KIRREL3: variants seen among roughly 807,000 people sequenced by gnomAD.
KIRREL3 encodes kin of IRRE-like protein 3.
Under a neutral mutation model 89.7 loss-of-function variants are expected in KIRREL3, and 36 were observed. The ratio of observed to expected loss-of-function variants is 0.40; its 90% confidence interval spans 0.31 to 0.53. The LOEUF (loss-of-function observed/expected upper bound fraction) is 0.53. KIRREL3 is among the 20% of genes least tolerant of loss of function. The pLI is 0.49. For synonymous variants in KIRREL3, 445 were observed against 441.4 expected, an observed-to-expected ratio of 1.01 and a Z score of -0.10; for missense variants, 864 against 1,056.6, an observed-to-expected ratio of 0.82 and a Z score of 2.53.
In KIRREL3 at chr11:126,709,014, TTG is replaced by T. The variant is rs1947651029; in HGVS notation, c.56-146104_56-146103del. Among the ~76,000 whole-genome samples the T allele has an allele frequency of 6.6e-6, 1 of 152,210 alleles. No homozygotes were observed. The highest frequency in any genetic ancestry group is 6.5e-5 in the Admixed American group (1 of 15,284). The stretch of plus-strand genomic sequence containing the variant: ...GTTTCTGCCCCCACCCCAGGACAGC[TTG>T]TGTTATCACGGCCAGGTGGATCTTT... On this transcript the variant is annotated intron_variant, in intron 1 of 16. Transcript: ENST00000525144. The surrounding 1 kb of genome is among the most constrained non-coding windows in gnomAD (Gnocchi z 4.0).
Position 126,550,963 on chromosome 11 carries a change from C to T in KIRREL3, c.133+11872G>A, listed in dbSNP as rs1249441364. On this transcript the variant is annotated intron_variant, in intron 2 of 16. Coordinates refer to ENST00000525144, the MANE Select transcript of KIRREL3 (RefSeq NM_032531.4). This position sits in a 1 kb window ranked among gnomAD's most constrained non-coding sequence, Gnocchi z 4.9. The stretch of plus-strand genomic sequence containing the variant: ...CCCTGGCACCTGTCACAAGTTCAGG[C>T]TTCCAGAACTTCTGGCAGACCCGCT... Among the ~76,000 whole-genome samples the T allele has an allele frequency of 4.6e-5, 7 of 152,216 alleles. No homozygotes were observed. Among genetic ancestry groups the T allele is most frequent in the African/African-American group, 9.6e-5 (4 of 41,458 alleles).
intron 1 of KIRREL3, among the ~76,000 whole-genome samples, chr11:126,762,714 T>C (rs369133715): frequency 1.1e-3 from 167 of 152,280 alleles, no homozygotes; most frequent in African/African-American, 3.9e-3. Context: ...CTGGTTTCAA[T>C]GTTGTTAAGT....
In KIRREL3 at chr11:126,870,939, A is replaced by G. The variant is rs138271558; in HGVS notation, c.55+129516T>C. Among the ~76,000 whole-genome samples the G allele has an allele frequency of 3.8e-3, 581 of 152,268 alleles. 2 individuals carry two copies. The highest frequency in any genetic ancestry group is 0.013 in the African/African-American group (556 of 41,556). On this transcript the variant is annotated intron_variant, in intron 1 of 16. Transcript: ENST00000525144. This position sits in a 1 kb window ranked among gnomAD's most constrained non-coding sequence, Gnocchi z 4.4. The stretch of plus-strand genomic sequence containing the variant: ...AAAGACTGGACCAAAACTGTTCTAC[A>G]TGGCCACAACAGGCTTGGATCTCAT...
rs1262143657 is a variant in KIRREL3 at position 126,653,489 on chromosome 11, A to G, written c.56-90577T>C. Among the ~76,000 whole-genome samples, 2 of 152,178 alleles carry G rather than the reference A, an allele frequency of 1.3e-5. No individual in the cohort carries two copies. Among genetic ancestry groups the G allele is most frequent in the Admixed American group, 6.5e-5 (1 of 15,286 alleles). ...GTTGTCATGAAATTCAAATCAGGAA[A>G]TGGATATGAAATGGTTCTGAAAGAT... is the stretch of plus-strand genomic sequence containing the variant. On this transcript the variant is annotated intron_variant, in intron 1 of 16. Transcript: ENST00000525144. The surrounding 1 kb of genome is among the most constrained non-coding windows in gnomAD (Gnocchi z 5.4).
In KIRREL3 at chr11:126,506,777, AT is replaced by A. The variant is rs35672890; in HGVS notation, c.433+14537del. Among the ~76,000 whole-genome samples, 224 of 148,830 alleles carry A rather than the reference AT, an allele frequency of 1.5e-3. 3 individuals are homozygous for A. The highest frequency in any genetic ancestry group is 3.8e-3 in the Admixed American group (57 of 14,994). On this transcript the variant is annotated intron_variant, in intron 4 of 16. Transcript: ENST00000525144. ...TTGTTTGTGAATGTTCATAGCAACA[AT>A]TTTTTTTTTTTGTTTTTGGTATTTT...
At position 126,742,337 on chromosome 11, in the gene KIRREL3, T is replaced by C. The variant is rs940130855; in HGVS notation, c.56-179425A>G. On this transcript the variant is annotated intron_variant, in intron 1 of 16. Coordinates refer to ENST00000525144, the MANE Select transcript of KIRREL3 (RefSeq NM_032531.4). The surrounding 1 kb of genome is among the most constrained non-coding windows in gnomAD (Gnocchi z 5.3). ...AAGCAAAACTGGGGGTTGGGAGAAGTGTGGTATTCTTAGGATAGTGTATCC... is the reference window on the plus strand; with the variant it reads ...AAGCAAAACTGGGGGTTGGGAGAAGCGTGGTATTCTTAGGATAGTGTATCC... 6.6e-6 allele frequency among the ~76,000 whole-genome samples: 1 copy of C among 152,074 alleles called. No homozygotes were observed. Among genetic ancestry groups the C allele is most frequent in the Non-Finnish European group, 1.5e-5 (1 of 68,012 alleles).
chr11:126,982,703 G>C (rs1031245698), intron 1 of KIRREL3, among the ~76,000 whole-genome samples: 2 of 152,138 alleles, frequency 1.3e-5, no homozygotes, highest in African/African-American at 4.8e-5. Context: ...ACACAATGCT[G>C]TAAGCAGACA....
rs1412631479 is a variant in KIRREL3, at chr11:126,664,399, G to A, written c.56-101487C>T. Among the ~76,000 whole-genome samples, 2 of 152,168 alleles carry A rather than the reference G, an allele frequency of 1.3e-5. No individual in the cohort carries two copies. Among genetic ancestry groups the A allele is most frequent in the African/African-American group, 4.8e-5 (2 of 41,434 alleles). ...AGAGGCAGAGAGTGAAGTCTAGTGAGACCACACGGACATGGACTTTCCAGT... is the reference window on the plus strand; with the variant it reads ...AGAGGCAGAGAGTGAAGTCTAGTGAAACCACACGGACATGGACTTTCCAGT... On this transcript the variant is annotated intron_variant, in intron 1 of 16. Coordinates refer to ENST00000525144, the MANE Select transcript of KIRREL3 (RefSeq NM_032531.4). The surrounding 1 kb of genome is among the most constrained non-coding windows in gnomAD (Gnocchi z 5.4).
rs1957106283 is a variant in KIRREL3 at position 126,477,726 on chromosome 11, G to A, written c.434-4260C>T. 6.6e-6 allele frequency among the ~76,000 whole-genome samples: 1 copy of A among 152,082 alleles called. No individual in the cohort carries two copies. The highest frequency in any genetic ancestry group is 2.4e-5 in the African/African-American group (1 of 41,414). ...GGGAATTTCCTCCAGTGTCCACTTGGTCACCCAACTGAGACCTGGCTGGGC... is the reference window on the plus strand; with the variant it reads ...GGGAATTTCCTCCAGTGTCCACTTGATCACCCAACTGAGACCTGGCTGGGC... On this transcript the variant is annotated intron_variant, in intron 4 of 16. Coordinates refer to ENST00000525144, the MANE Select transcript of KIRREL3 (RefSeq NM_032531.4). This position sits in a 1 kb window ranked among gnomAD's most constrained non-coding sequence, Gnocchi z 4.8.
rs1175763391 is a variant in KIRREL3 at position 126,477,400 on chromosome 11, C to A, written c.434-3934G>T. 1.3e-5 allele frequency among the ~76,000 whole-genome samples: 2 copies of A among 152,102 alleles called. No homozygotes were observed. Among genetic ancestry groups the A allele is most frequent in the Non-Finnish European group, 2.9e-5 (2 of 68,024 alleles). On this transcript the variant is annotated intron_variant, in intron 4 of 16. Transcript: ENST00000525144. This position sits in a 1 kb window ranked among gnomAD's most constrained non-coding sequence, Gnocchi z 4.8. ...AGCCCCCAAAAGCTTTCCCCAAGTT[C>A]TGCTGCCAAAGACAATGGGGTCTCG...
At chr11:126,824,138 G>T (rs1565328840) in intron 1 of KIRREL3, among the ~76,000 whole-genome samples, 1 of 152,194 alleles carries the variant, frequency 6.6e-6, no homozygotes, top group Non-Finnish European at 1.5e-5. Context: ...CGCCCATGGG[G>T]ACAGGGCTGG....
intron 1 of KIRREL3, among the ~76,000 whole-genome samples, chr11:126,777,382 G>A (rs1275302978): frequency 6.6e-6 from 1 of 152,220 alleles, no homozygotes; most frequent in African/African-American, 2.4e-5. Context: ...CAGGAGCACA[G>A]AGTTAATGAA....
At chr11:126,488,054 A>G (rs1028835676) in intron 4 of KIRREL3, among the ~76,000 whole-genome samples, 2 of 152,246 alleles carry the variant, frequency 1.3e-5, no homozygotes, top group African/African-American at 4.8e-5. Context: ...TTTTGGCACT[A>G]GAGTGCTTAC....
intron 1 of KIRREL3, among the ~76,000 whole-genome samples, chr11:126,770,549 G>C (rs896109895): frequency 6.6e-6 from 1 of 152,184 alleles, no homozygotes; most frequent in Non-Finnish European, 1.5e-5. Context: ...AAAACGGAAG[G>C]CGAAGCACAT....
chr11:126,682,275 A>G lies in KIRREL3; in HGVS notation c.56-119363T>C, dbSNP rs1238605240. On this transcript the variant is annotated intron_variant, in intron 1 of 16. Coordinates refer to ENST00000525144, the MANE Select transcript of KIRREL3 (RefSeq NM_032531.4). The surrounding 1 kb of genome is among the most constrained non-coding windows in gnomAD (Gnocchi z 4.8). ...TTCCCTCCTATGCATTCTGCTATGC[A>G]TAGTCGCCCTCTCTTCCTTCTAGGT... Among the ~76,000 whole-genome samples the G allele has an allele frequency of 1.3e-5, 2 of 152,184 alleles. No homozygotes were observed. Among genetic ancestry groups the G allele is most frequent in the Admixed American group, 1.3e-4 (2 of 15,282 alleles).
At chr11:126,855,591 AG>A (rs1367183807) in intron 1 of KIRREL3, among the ~76,000 whole-genome samples, 3 of 152,224 alleles carry the variant, frequency 2.0e-5, no homozygotes, top group African/African-American at 7.2e-5. Context: ...CTTCATGAAA[AG>A]TAGCATTATC....
In KIRREL3 at chr11:126,997,022, C is replaced by T. The variant is rs1295568403; in HGVS notation, c.55+3433G>A. Among the ~76,000 whole-genome samples, 1 of 152,080 alleles carries T rather than the reference C, an allele frequency of 6.6e-6. No individual in the cohort carries two copies. Among genetic ancestry groups the T allele is most frequent in the Non-Finnish European group, 1.5e-5 (1 of 68,012 alleles). On this transcript the variant is annotated intron_variant, in intron 1 of 16. Coordinates refer to ENST00000525144, the MANE Select transcript of KIRREL3 (RefSeq NM_032531.4). This position sits in a 1 kb window ranked among gnomAD's most constrained non-coding sequence, Gnocchi z 4.3. ...CCACTGTGGCTCCCCTGTCTATCTC[C>T]CCTGTCTCCGAGGTGGAGATCAGAG... is the stretch of plus-strand genomic sequence containing the variant.
At position 126,768,696 on chromosome 11, in the gene KIRREL3, T is replaced by C. The variant is rs1949924318; in HGVS notation, c.56-205784A>G. Among the ~76,000 whole-genome samples the C allele has an allele frequency of 6.7e-6, 1 of 150,292 alleles. No homozygotes were observed. The highest frequency in any genetic ancestry group is 1.5e-5 in the Non-Finnish European group (1 of 67,544). On this transcript the variant is annotated intron_variant, in intron 1 of 16. Transcript: ENST00000525144. This position sits in a 1 kb window ranked among gnomAD's most constrained non-coding sequence, Gnocchi z 4.5. ...CCATCCCTCAAAATGAGAAAGAGAGTTCCAAGCAGCTGGAAGAGCAAGTGC... is the reference window on the plus strand; with the variant it reads ...CCATCCCTCAAAATGAGAAAGAGAGCTCCAAGCAGCTGGAAGAGCAAGTGC...
chr11:126,845,433 G>T (rs1383064086), intron 1 of KIRREL3, among the ~76,000 whole-genome samples: 1 of 152,108 alleles, frequency 6.6e-6, no homozygotes. Flanking sequence ...AAGAATTCGT[G>T]AGGCTAATCT....
Sources: gnomAD v4.1 joint callset for allele counts (sites outside exome capture counted in the v4.1 genomes callset) on GRCh38, gnomAD v4.1.1 for gene constraint, Gnocchi (gnomAD v3.1) non-coding constraint, MANE v1.5 for transcripts, NCBI Gene and HGNC (gene_info 2026-07-23, HGNC 2026-07-21) for gene names.